The following GRM8 variants were observed in gnomAD, a reference collection of about 807,000 sequenced individuals.
GRM8 encodes the protein glutamate metabotropic receptor 8.
Under a neutral mutation model 87.2 loss-of-function variants are expected in GRM8, and 47 were observed. The observed-to-expected ratio is 0.54, with a 90% confidence interval of 0.43 to 0.69. The LOEUF is 0.69. GRM8 is among the 30% of genes least tolerant of loss of function. GRM8 has a pLI of 0.00. For synonymous variants in GRM8, 396 were observed against 404.5 expected, an observed-to-expected ratio of 0.98 and a Z score of 0.25; for missense variants, 1,019 against 1,139.2, an observed-to-expected ratio of 0.89 and a Z score of 1.52.
intron 3 of GRM8, among the ~76,000 whole-genome samples, chr7:127,103,117 A>T (rs1025563058): frequency 2.6e-5 from 4 of 152,248 alleles, no homozygotes; most frequent in African/African-American, 9.6e-5. Context: ...TGCTGGGATT[A>T]CAGGCATGAG....
At chr7:127,159,134 C>T (rs1331827604) in intron 2 of GRM8, among the ~76,000 whole-genome samples, 3 of 152,158 alleles carry the variant, frequency 2.0e-5, no homozygotes, top group Admixed American at 6.5e-5. Flanking sequence ...AAAACAAAAA[C>T]GAAGGCTTTG....
chr7:127,185,195 A>C (rs1421842955), intron 2 of GRM8, among the ~76,000 whole-genome samples: 1 of 152,076 alleles, frequency 6.6e-6, no homozygotes, highest in Non-Finnish European at 1.5e-5. Context: ...CATAATAGGC[A>C]ATTTCAAAAC....
At chr7:127,222,560 CTA>C (rs1283968306) in intron 2 of GRM8, among the ~76,000 whole-genome samples, 2 of 152,164 alleles carry the variant, frequency 1.3e-5, no homozygotes, top group Admixed American at 1.3e-4. Flanking sequence ...AATTATTTAA[CTA>C]TGACTTGTTT....
chr7:127,249,791 T>C (rs1198873956), intron 1 of GRM8, among the ~76,000 whole-genome samples: 7 of 152,326 alleles, frequency 4.6e-5, no homozygotes, highest in Non-Finnish European at 7.3e-5. Flanking sequence ...GCCGTCCCTA[T>C]TGAATGAACC....
intron 3 of GRM8, among the ~76,000 whole-genome samples, chr7:127,100,774 T>G (rs772342851): frequency 6.6e-6 from 1 of 152,190 alleles, no homozygotes; most frequent in African/African-American, 2.4e-5. Context: ...GCCCTACACT[T>G]GACACACGGG....
intron 6 of GRM8, among the ~76,000 whole-genome samples, chr7:126,847,670 A>C (rs1383349397): frequency 6.6e-6 from 1 of 152,180 alleles, no homozygotes. Context: ...CAGGGATCCC[A>C]AGACATGAGC....
intron 7 of GRM8, among the ~76,000 whole-genome samples, chr7:126,753,431 T>C (rs1056332984): frequency 6.6e-6 from 1 of 151,612 alleles, no homozygotes; most frequent in Non-Finnish European, 1.5e-5. Context: ...TACGTATATA[T>C]ACACACACAT....
Position 126,535,149 on chromosome 7 carries a change from C to T in GRM8, c.1495-1262G>A, listed in dbSNP as rs77461439. On this transcript the variant is annotated intron_variant, in intron 8 of 10. Coordinates refer to ENST00000339582, the MANE Select transcript of GRM8 (RefSeq NM_000845.3). ...ATACTGTGTGGTAGTCAGTCTCCAC[C>T]GTGGCCCCCAATAACCTCACTTCTG... Among the ~76,000 whole-genome samples, 448 of 152,290 alleles carry T rather than the reference C, an allele frequency of 2.9e-3. 8 individuals are homozygous for T. In the East Asian group the frequency reaches 0.052, roughly 18 times the overall value.
At chr7:126,508,487 C>T (rs1194753426) in intron 9 of GRM8, among the ~76,000 whole-genome samples, 2 of 151,982 alleles carry the variant, frequency 1.3e-5, no homozygotes, top group Non-Finnish European at 2.9e-5. Context: ...GGCCCCACAT[C>T]CCAATACTGT....
intron 7 of GRM8, among the ~76,000 whole-genome samples, chr7:126,618,168 C>T (rs1426291007): frequency 1.3e-5 from 2 of 152,050 alleles, no homozygotes; most frequent in African/African-American, 4.8e-5. Flanking sequence ...GGTACTGGTA[C>T]CAAAACAGAG....
chr7:126,964,543 C>A (rs1586613290), intron 3 of GRM8, among the ~76,000 whole-genome samples: 1 of 152,102 alleles, frequency 6.6e-6, no homozygotes. Context: ...ATGCAGCCAA[C>A]AAACATATGA....
At chr7:127,023,639 G>A (rs1816491326) in intron 3 of GRM8, among the ~76,000 whole-genome samples, 1 of 152,098 alleles carries the variant, frequency 6.6e-6, no homozygotes, top group African/African-American at 2.4e-5. Flanking sequence ...TCAAAGGGAT[G>A]TTAGCTTAGA....
intron 3 of GRM8, among the ~76,000 whole-genome samples, chr7:126,995,420 T>C (rs1245665401): frequency 6.6e-6 from 1 of 152,146 alleles, no homozygotes; most frequent in Non-Finnish European, 1.5e-5. Context: ...AGGCAGAGAA[T>C]TCAAAATAGC....
At chr7:127,066,840 T>C (rs1350137849) in intron 3 of GRM8, among the ~76,000 whole-genome samples, 1 of 152,204 alleles carries the variant, frequency 6.6e-6, no homozygotes, top group African/African-American at 2.4e-5. Flanking sequence ...TACTTTTTTC[T>C]TCGATTAGAT....
intron 8 of GRM8, among the ~76,000 whole-genome samples, chr7:126,594,650 T>A (rs981393962): frequency 1.3e-5 from 2 of 152,080 alleles, no homozygotes; most frequent in African/African-American, 4.8e-5. Context: ...GTTCAAGAGA[T>A]CTATTGTACA....
At position 126,459,335 on chromosome 7, in the gene GRM8, T is replaced by C. The variant is rs78208276; in HGVS notation, c.2431-12963A>G. 3.9e-3 allele frequency among the ~76,000 whole-genome samples: 590 copies of C among 151,350 alleles called. 4 individuals are homozygous for C. Among genetic ancestry groups the C allele is most frequent in the African/African-American group, 0.013 (546 of 41,364 alleles). ...GTGAGTAAATCAGAAAGGTAGTACG[T>C]GACTGACAGAATGATGATGACCCTG... On this transcript the variant is annotated intron_variant, in intron 9 of 10. Transcript: ENST00000339582.
chr7:126,705,168 G>A (rs949257307), intron 7 of GRM8, among the ~76,000 whole-genome samples: 1 of 152,072 alleles, frequency 6.6e-6, no homozygotes, highest in Admixed American at 6.6e-5. Flanking sequence ...TCGGGGGCAG[G>A]TTCCCCAATA....
chr7:126,563,238 ATTC>A, intron 8 of GRM8, among the ~76,000 whole-genome samples: 1 of 151,958 alleles, frequency 6.6e-6, no homozygotes, highest in Non-Finnish European at 1.5e-5. Context: ...ATTTTGAAAC[ATTC>A]TTCTTAAGTT....
Position 126,644,266 on chromosome 7 carries a change from G to A in GRM8, c.1358-34768C>T, listed in dbSNP as rs546927566. Among the ~76,000 whole-genome samples, 8 of 152,134 alleles carry A rather than the reference G, an allele frequency of 5.3e-5. No homozygotes were observed. In the East Asian group the frequency reaches 9.7e-4, roughly 18 times the overall value. On this transcript the variant is annotated intron_variant, in intron 7 of 10. Transcript: ENST00000339582. ...ATCATAAATGCCTCATGTCAACAGC[G>A]GCCTCATACTTTACTCATAAATATT...
Sources: gnomAD v4.1 joint callset for allele counts (sites outside exome capture counted in the v4.1 genomes callset) on GRCh38, gnomAD v4.1.1 for gene constraint, MANE v1.5 for transcripts, NCBI Gene and HGNC (gene_info 2026-07-23, HGNC 2026-07-21) for gene names.